MGAT4C: variants seen among roughly 807,000 people sequenced by gnomAD.
The protein encoded by MGAT4C is MGAT4 family member C.
In MGAT4C, 19 loss-of-function variants were observed where a neutral mutation model predicts 40.1. The observed-to-expected ratio is 0.47, with a 90% CI of 0.33 to 0.70. The LOEUF (loss-of-function observed/expected upper bound fraction) is 0.70. MGAT4C is among the 30% of genes least tolerant of loss of function. The pLI is 0.02. For missense variants in MGAT4C, 491 were observed against 563.2 expected, an observed-to-expected ratio of 0.87 and a Z score of 1.30; for synonymous variants, 181 against 187.1, an observed-to-expected ratio of 0.97 and a Z score of 0.27.
chr12:86,540,833 T>C (rs1592967510), intron 2 of MGAT4C, among the ~76,000 whole-genome samples: 1 of 152,168 alleles, frequency 6.6e-6, no homozygotes, highest in African/African-American at 2.4e-5. Flanking sequence ...GATTTTGAGA[T>C]AATAAATGTT....
intron 2 of MGAT4C, among the ~76,000 whole-genome samples, chr12:86,043,558 C>T (rs1192394883): frequency 6.6e-6 from 1 of 152,140 alleles, no homozygotes; most frequent in African/African-American, 2.4e-5. Context: ...CTGTGCCCAC[C>T]CAGATTGAGA....
At chr12:86,272,442 T>C (rs1952973177) in intron 4 of MGAT4C, among the ~76,000 whole-genome samples, 1 of 152,198 alleles carries the variant, frequency 6.6e-6, no homozygotes, top group East Asian at 1.9e-4. Context: ...GAAACCATGA[T>C]ACAATATTGT....
chr12:86,109,270 T>C (rs1876782631), intron 1 of MGAT4C, among the ~76,000 whole-genome samples: 2 of 152,158 alleles, frequency 1.3e-5, no homozygotes, highest in South Asian at 4.1e-4. Context: ...ATAGGTCTCC[T>C]CTTTTTGTGG....
intron 2 of MGAT4C, among the ~76,000 whole-genome samples, chr12:86,566,570 A>ATGTATATG (rs59351802): frequency 5.1e-5 from 2 of 39,478 alleles, no homozygotes; most frequent in Non-Finnish European, 6.4e-5. Context: ...ATATATATAT[A>ATGTATATG]TATATGTATA....
intron 2 of MGAT4C, among the ~76,000 whole-genome samples, chr12:86,684,956 T>C (rs1476679115): frequency 6.6e-6 from 1 of 152,156 alleles, no homozygotes; most frequent in East Asian, 1.9e-4. Flanking sequence ...GATGGATAGA[T>C]TGCAAAAATT....
chr12:86,397,917 C>G (rs574914231), intron 3 of MGAT4C, among the ~76,000 whole-genome samples: 1 of 152,178 alleles, frequency 6.6e-6, no homozygotes, highest in African/African-American at 2.4e-5. Context: ...GAGCTATGAT[C>G]ACACCACTGC....
At chr12:86,742,875 G>T (rs1951089881) in intron 1 of MGAT4C, among the ~76,000 whole-genome samples, 1 of 151,466 alleles carries the variant, frequency 6.6e-6, no homozygotes, top group Non-Finnish European at 1.5e-5. Flanking sequence ...CAGTTGATTT[G>T]TTATTCCCAA....
At chr12:86,400,039 T>C (rs757975509) in intron 3 of MGAT4C, among the ~76,000 whole-genome samples, 4 of 152,200 alleles carry the variant, frequency 2.6e-5, no homozygotes, top group Non-Finnish European at 4.4e-5. Flanking sequence ...GTTGTGTGAC[T>C]GAGTCCTCAA....
rs150617332 is a variant in MGAT4C, at chr12:86,684,654, T to C, written c.-229+42555A>G. On this transcript the variant is annotated intron_variant, in intron 2 of 7. Transcript: ENST00000548651. Reference sequence around the variant, plus strand: ...CTAATTTACACTTCCACCAACAGTGTAAAAGCATTCATATTTCTCCACATC... The same window carrying C: ...CTAATTTACACTTCCACCAACAGTGCAAAAGCATTCATATTTCTCCACATC... Among the ~76,000 whole-genome samples, 133 of 152,338 alleles carry C rather than the reference T, an allele frequency of 8.7e-4. 2 individuals carry two copies. The highest frequency in any genetic ancestry group is 3.1e-3 in the African/African-American group (128 of 41,588).
At chr12:86,533,748 C>T (rs1409276434) in intron 2 of MGAT4C, among the ~76,000 whole-genome samples, 1 of 151,342 alleles carries the variant, frequency 6.6e-6, no homozygotes, top group Non-Finnish European at 1.5e-5. Context: ...CTGATGGACC[C>T]CCCTTTAGGC....
chr12:86,056,789 G>T (rs974903467), intron 1 of MGAT4C, among the ~76,000 whole-genome samples: 5 of 152,038 alleles, frequency 3.3e-5, no homozygotes, highest in Non-Finnish European at 5.9e-5. Flanking sequence ...TCTAGTTCTA[G>T]ATCCTTGAGG....
At chr12:86,016,420 T>C (rs1428286708) in intron 2 of MGAT4C, 1 of 151,946 alleles carries the variant, frequency 6.6e-6, no homozygotes, top group Admixed American at 6.6e-5. Context: ...TGGAAACTAA[T>C]ATTTTGTGCA....
At chr12:86,591,581 A>G (rs1961332863) in intron 2 of MGAT4C, among the ~76,000 whole-genome samples, 1 of 151,960 alleles carries the variant, frequency 6.6e-6, no homozygotes, top group Admixed American at 6.6e-5. Flanking sequence ...TATCAAAATT[A>G]AAGAGAATAC....
rs866687480 is a variant in MGAT4C at position 86,321,578 on chromosome 12, A to G, written c.-57+12487T>C. The stretch of plus-strand genomic sequence containing the variant: ...GCTGAATGCTTTTAAAATGCTGAAA[A>G]TGGCCGCCAGAAAATATATTTATTC... On this transcript the variant is annotated intron_variant, in intron 4 of 7. Coordinates refer to the MGAT4C transcript ENST00000548651. Among the ~76,000 whole-genome samples the G allele has an allele frequency of 2.6e-4, 39 of 152,300 alleles. No homozygotes were observed. In the Middle Eastern group the frequency reaches 0.01, roughly 40 times the overall value.
chr12:86,642,570 T>C (rs1810990475), intron 2 of MGAT4C, among the ~76,000 whole-genome samples: 1 of 151,718 alleles, frequency 6.6e-6, no homozygotes, highest in Non-Finnish European at 1.5e-5. Flanking sequence ...CAAATTAAAT[T>C]TGAATTAATG....
intron 3 of MGAT4C, among the ~76,000 whole-genome samples, chr12:86,418,949 GA>G: frequency 6.6e-6 from 1 of 152,102 alleles, no homozygotes; most frequent in Non-Finnish European, 1.5e-5. Flanking sequence ...TTATTTCCTA[GA>G]AAAAATGCTC....
intron 3 of MGAT4C, among the ~76,000 whole-genome samples, chr12:86,424,730 A>G (rs1001974143): frequency 6.6e-6 from 1 of 152,158 alleles, no homozygotes; most frequent in Non-Finnish European, 1.5e-5. Context: ...TCTTATAACA[A>G]TCTAATAAAG....
At chr12:86,022,902 A>T (rs975825922) in intron 2 of MGAT4C, among the ~76,000 whole-genome samples, 8 of 152,174 alleles carry the variant, frequency 5.3e-5, no homozygotes, top group Non-Finnish European at 1.5e-5. Flanking sequence ...AGAATATTAC[A>T]TAGAGGAGAT....
chr12:86,252,211 A>G (rs1952320338), intron 1 of MGAT4C, among the ~76,000 whole-genome samples: 1 of 152,052 alleles, frequency 6.6e-6, no homozygotes, highest in African/African-American at 2.4e-5. Context: ...TCACATTCGT[A>G]CTTTCAATTA....
Sources: gnomAD v4.1 joint callset for allele counts (sites outside exome capture counted in the v4.1 genomes callset) on GRCh38, gnomAD v4.1.1 for gene constraint, MANE v1.5 for transcripts, NCBI Gene and HGNC (gene_info 2026-07-23, HGNC 2026-07-21) for gene names.